The following CHIC2 variants were observed in gnomAD, a reference collection of about 807,000 sequenced individuals.
The protein encoded by CHIC2 is cysteine-rich hydrophobic domain-containing protein 2.
In CHIC2, 14 loss-of-function variants were observed where a neutral mutation model predicts 25.9. That is an observed-to-expected ratio of 0.54 (90% CI 0.36 to 0.85). The LOEUF is 0.85. Among genes scored for constraint, CHIC2 ranks in the 40% least tolerant of loss-of-function variants. The pLI, the probability that CHIC2 is intolerant of heterozygous loss-of-function variation, is 0.01. For missense variants in CHIC2, 146 were observed against 202.0 expected, an observed-to-expected ratio of 0.72 and a Z score of 1.68; for synonymous variants, 70 against 72.0, an observed-to-expected ratio of 0.97 and a Z score of 0.14.
At chr4:54,026,925 A>T (rs1203898904) in intron 3 of CHIC2, among the ~76,000 whole-genome samples, 1 of 152,126 alleles carries the variant, frequency 6.6e-6, no homozygotes, top group Non-Finnish European at 1.5e-5. Flanking sequence ...ATAATGAAAA[A>T]TTTTTGTAAA....
Position 54,011,176 on chromosome 4 carries a change from A to G in CHIC2, c.448-1031T>C, listed in dbSNP as rs763455800. 1.9e-4 allele frequency among the ~76,000 whole-genome samples: 29 copies of G among 152,122 alleles called. No individual in the cohort carries two copies. In the East Asian group the frequency reaches 2.5e-3, roughly 13 times the overall value. On this transcript the variant is annotated intron_variant, in intron 5 of 5. Coordinates refer to ENST00000263921, the MANE Select transcript of CHIC2 (RefSeq NM_012110.4). ...TGCTTGATATGACCTCCAGATTTCA[A>G]TACTTCTACAAATTAGCTGTCTGGG...
At chr4:54,084,959 C>CAAAAAAAAAAAAAA in the CHIC2 span, among the ~76,000 whole-genome samples, 212 of 58,894 alleles carry the variant, frequency 3.6e-3, 9 homozygotes, top group African/African-American at 0.012. Context: ...TGCTCTGTCT[C>CAAAAAAAAAAAAAA]AAAAAAAAAA....
intron 3 of CHIC2, 71 bp downstream of exon 3, chr4:54,048,884 T>A: frequency 7.8e-7 from 1 of 1,283,158 alleles, no homozygotes; most frequent in Non-Finnish European, 1.0e-6. Flanking sequence ...ATACAAAAAA[T>A]AAAAACTAGA....
At chr4:54,070,003 C>T in the CHIC2 span, among the ~76,000 whole-genome samples, 1 of 152,152 alleles carries the variant, frequency 6.6e-6, no homozygotes, top group African/African-American at 2.4e-5. Flanking sequence ...TGGAGAAGCA[C>T]AGGGGTCCAT....
At chr4:54,065,336 C>T, upstream of CHIC2, 3 of 984,296 alleles carry the variant, frequency 3.0e-6, no homozygotes, top group Non-Finnish European at 3.6e-6. Flanking sequence ...CAGTTTCTTG[C>T]CCCAACTCTC....
At chr4:54,020,406 T>C (rs896121199) in intron 3 of CHIC2, among the ~76,000 whole-genome samples, 2 of 152,218 alleles carry the variant, frequency 1.3e-5, no homozygotes, top group Non-Finnish European at 2.9e-5. Flanking sequence ...CACCTTTTGC[T>C]GACTCTCTTT....
At chr4:54,058,549 TACACACACATACAC>T (rs1225995880) in intron 1 of CHIC2, among the ~76,000 whole-genome samples, 21 of 127,004 alleles carry the variant, frequency 1.7e-4, no homozygotes, top group Admixed American at 1.6e-3. Context: ...CATACACACA[TACACACACATACAC>T]ACACACACAC....
intron 3 of CHIC2, among the ~76,000 whole-genome samples, chr4:54,035,628 C>G (rs551061384): frequency 1.5e-3 from 235 of 152,258 alleles, no homozygotes; most frequent in African/African-American, 5.4e-3. Flanking sequence ...CTTTTCCCCA[C>G]TCTGGCTAGA....
intron 1 of CHIC2, chr4:54,059,499 C>T (rs1357292397): frequency 3.3e-5 from 5 of 151,818 alleles, no homozygotes; most frequent in Admixed American, 1.3e-4. Flanking sequence ...TGTGATCAGG[C>T]CCCTGCCCAC....
chr4:54,070,285 A>G, the CHIC2 span, among the ~76,000 whole-genome samples: 1 of 152,224 alleles, frequency 6.6e-6, no homozygotes, highest in Non-Finnish European at 1.5e-5. Context: ...GCTGGTGGAA[A>G]CTTGATGGCC....
chr4:54,091,037 A>G, the CHIC2 span, among the ~76,000 whole-genome samples: 947 of 152,068 alleles, frequency 6.2e-3, 12 homozygotes, highest in African/African-American at 0.02. Context: ...CTGGCATACT[A>G]TAGGCACACC....
chr4:54,057,938 G>A (rs909075266), intron 1 of CHIC2, among the ~76,000 whole-genome samples: 1 of 152,132 alleles, frequency 6.6e-6, no homozygotes, highest in Non-Finnish European at 1.5e-5. Context: ...AAAGACAGAA[G>A]AAAGCAAACC....
At chr4:54,031,713 G>A (rs895518502) in intron 3 of CHIC2, among the ~76,000 whole-genome samples, 1 of 145,570 alleles carries the variant, frequency 6.9e-6, no homozygotes, top group African/African-American at 2.6e-5. Context: ...TCCACCTCCT[G>A]GGTTCAAGCG....
intron 3 of CHIC2, among the ~76,000 whole-genome samples, chr4:54,028,052 T>C (rs1388799910): frequency 6.6e-6 from 1 of 152,182 alleles, no homozygotes; most frequent in Non-Finnish European, 1.5e-5. Flanking sequence ...CCTTTACTGT[T>C]TGTGTCTTCA....
chr4:54,051,770 C>T (rs13121173), intron 1 of CHIC2, among the ~76,000 whole-genome samples: 12,746 of 152,180 alleles, frequency 0.084, 691 homozygotes, highest in Non-Finnish European at 0.12. Flanking sequence ...AGCCTACAAA[C>T]CTGAATTAGT....
At chr4:54,077,399 T>C in the CHIC2 span, among the ~76,000 whole-genome samples, 3 of 152,212 alleles carry the variant, frequency 2.0e-5, no homozygotes, top group African/African-American at 7.2e-5. Flanking sequence ...CTCCTTGCCA[T>C]TCTGAGCAGA....
At chr4:54,024,782 T>C (rs1716005286) in intron 3 of CHIC2, among the ~76,000 whole-genome samples, 1 of 152,192 alleles carries the variant, frequency 6.6e-6, no homozygotes, top group South Asian at 2.1e-4. Context: ...CTCTCAGTCC[T>C]TTAATACCTG....
intron 3 of CHIC2, among the ~76,000 whole-genome samples, chr4:54,036,488 G>T (rs189030081): frequency 6.6e-6 from 1 of 152,194 alleles, no homozygotes; most frequent in East Asian, 1.9e-4. Context: ...GTTGGGGGAG[G>T]TGCCACACAC....
intron 3 of CHIC2, among the ~76,000 whole-genome samples, chr4:54,040,480 C>T (rs2110078019): frequency 6.6e-6 from 1 of 152,064 alleles, no homozygotes; most frequent in Admixed American, 6.5e-5. Context: ...GCGGGCAGAT[C>T]ACCTGAGGTC....
Sources: gnomAD v4.1 joint callset for allele counts (sites outside exome capture counted in the v4.1 genomes callset) on GRCh38, gnomAD v4.1.1 for gene constraint, MANE v1.5 for transcripts, NCBI Gene and HGNC (gene_info 2026-07-23, HGNC 2026-07-21) for gene names.